LRIG2: variants seen among roughly 807,000 people sequenced by gnomAD.
The protein encoded by LRIG2 is leucine-rich repeats and immunoglobulin-like domains protein 2.
A neutral mutation model predicts 107.8 loss-of-function variants in LRIG2; 93 were observed. The ratio of observed to expected loss-of-function variants is 0.86; its 90% confidence interval spans 0.73 to 1.03. The LOEUF is 1.03. Among genes scored for constraint, LRIG2 ranks in the 50% least tolerant of loss-of-function variants. The pLI is 0.00. For synonymous variants in LRIG2, 471 were observed against 470.6 expected (o/e 1.00, Z -0.01); for missense variants, 1,226 against 1,296.0 (o/e 0.95, Z 0.83).
At chr1:113,074,916 GA>G (rs1297073607) in intron 1 of LRIG2, among the ~76,000 whole-genome samples, 2 of 132,210 alleles carry the variant, frequency 1.5e-5, no homozygotes, top group East Asian at 2.4e-4. Context: ...TGGGGGGAGG[GA>G]GGGTCGGGGA....
At position 113,123,892 on chromosome 1, in the gene LRIG2, G is replaced by A. The variant is rs374982078; in HGVS notation, c.2989G>A (p.Val997Met). 49 of 1,613,924 alleles carry A rather than the reference G, an allele frequency of 3.0e-5. No homozygotes were observed. Among genetic ancestry groups the A allele is most frequent in the Admixed American group, 6.7e-5 (4 of 59,984 alleles). ...ATTCTCAGAAACATTGCAGCGGCCC[G>A]TGTGGAACATAAACAGAGAACTAGG... Reference protein sequence around the residue: ...QMSGETLQRPVWNINRELGLP... With the variant: ...QMSGETLQRPMWNINRELGLP... Residue 997 changes from valine (V) to methionine (M), a missense_variant, in exon 18 of 18, where the codon GTG becomes ATG. Physicochemically the swap from Val to Met is conservative, Grantham distance 21 (BLOSUM62 1). Transcript: ENST00000361127.
rs1655639553 is a variant in LRIG2, at chr1:113,129,837, T to C, written c.*5736T>C. 1 of 137,662 alleles carries C rather than the reference T, an allele frequency of 7.3e-6. No homozygotes were observed. Among genetic ancestry groups the C allele is most frequent in the Non-Finnish European group, 1.6e-5 (1 of 61,946 alleles). 8.5% of individuals were successfully genotyped at this position (137,662 alleles called of 1,614,324 possible). ...AAAAGACAGTATTCCTTGAACTCCA[T>C]GACCTACTGGTACAGGATCTACACT... On this transcript the variant is annotated 3_prime_UTR_variant, in exon 18 of 18. Transcript: ENST00000361127.
intron 1 of LRIG2, among the ~76,000 whole-genome samples, chr1:113,077,799 A>G (rs1653054476): frequency 1.3e-5 from 2 of 151,826 alleles, no homozygotes. Context: ...GGTTTGTTAC[A>G]TATGTATACA....
intron 14 of LRIG2, among the ~76,000 whole-genome samples, chr1:113,113,425 A>G (rs1654857676): frequency 2.0e-5 from 3 of 150,322 alleles, no homozygotes; most frequent in Non-Finnish European, 4.4e-5. Flanking sequence ...GGTAAATTCT[A>G]CTTTCCAGTT....
rs141127480 is a variant in LRIG2 at position 113,131,017 on chromosome 1, G to C, written c.*6916G>C. ...ACGGTCTCAGCTCACTGCAATCTCC[G>C]CCTCCCAGGTTCAAGCGATTCTCCT... On this transcript the variant is annotated 3_prime_UTR_variant, in exon 18 of 18. Transcript: ENST00000361127. The C allele has an allele frequency of 2.0e-5, 3 of 152,066 alleles. No homozygotes were observed. The highest frequency in any genetic ancestry group is 2.9e-5 in the Non-Finnish European group (2 of 68,074). 9.4% of individuals were successfully genotyped at this position (152,066 alleles called of 1,614,324 possible).
rs759401263 is a variant in LRIG2 at position 113,094,695 on chromosome 1, G to A, written c.743G>A (p.Arg248Gln). 44 of 1,613,812 alleles carry A rather than the reference G, an allele frequency of 2.7e-5. No individual in the cohort carries two copies. The highest frequency in any genetic ancestry group is 1.3e-4 in the East Asian group (6 of 44,846). ...LDSLRSLKMQRNGISKLKDGA... is the reference protein window; with the variant it reads ...LDSLRSLKMQQNGISKLKDGA... ...TCCTTAAGATCTTTGAAAATGCAGC[G>A]GAATGGAATTAGCAAACTTAAGGAT... Residue 248 changes from arginine to glutamine, a missense_variant, in exon 6 of 18, where the codon CGG becomes CAG. Physicochemically the swap from Arg to Gln is conservative, Grantham distance 43. Around this residue, in one of 3 missense-constraint regions of LRIG2, gnomAD observed 570 missense variants for 550.2 expected, o/e 1.04. Coordinates refer to ENST00000361127, the MANE Select transcript of LRIG2 (RefSeq NM_014813.3).
chr1:113,075,885 T>G (rs1476369393), intron 1 of LRIG2, among the ~76,000 whole-genome samples: 1 of 151,398 alleles, frequency 6.6e-6, no homozygotes, highest in Non-Finnish European at 1.5e-5. Context: ...TTAGTAGAGG[T>G]GGGGTTTCAC....
At chr1:113,107,812 A>C in intron 12 of LRIG2, 55 bp downstream of exon 12, 1 of 1,437,512 alleles carries the variant, frequency 7.0e-7, no homozygotes, top group South Asian at 1.3e-5. Context: ...TCTTAACAGA[A>C]TTAAAAAAAT....
At chr1:113,092,587 C>T (rs2101033366) in intron 2 of LRIG2, among the ~76,000 whole-genome samples, 1 of 152,132 alleles carries the variant, frequency 6.6e-6, no homozygotes, top group Admixed American at 6.5e-5. Flanking sequence ...AAATTAGCTG[C>T]CATAAACCCA....
intron 13 of LRIG2, among the ~76,000 whole-genome samples, 181 bp downstream of exon 13, chr1:113,110,743 T>C (rs984070909): frequency 6.6e-6 from 1 of 152,158 alleles, no homozygotes; most frequent in Non-Finnish European, 1.5e-5. Flanking sequence ...TCTGCCCACT[T>C]ATGGTCTCTA....
At chr1:113,089,676 CTTTTTTTT>C (rs35515644) in intron 1 of LRIG2, among the ~76,000 whole-genome samples, 2 of 71,674 alleles carry the variant, frequency 2.8e-5, no homozygotes, top group African/African-American at 4.9e-5. Context: ...AGGTGGATTG[CTTTTTTTT>C]TTTTTTTTTT....
chr1:113,091,675 A>G (rs1653832163), intron 2 of LRIG2, among the ~76,000 whole-genome samples: 2 of 152,192 alleles, frequency 1.3e-5, no homozygotes, highest in African/African-American at 4.8e-5. Flanking sequence ...ATTTTGGCCA[A>G]GTTTTCAGCC....
At position 113,098,743 on chromosome 1, in the gene LRIG2, A is replaced by T; in HGVS notation, c.1130A>T (p.Asp377Val). ...RNNEISWAIE[D>V]ASEAFAGLTS... ...AATGAAATTTCATGGGCCATAGAAGATGCTAGTGAAGCCTTTGCTGGACTC... is the reference window on the plus strand; with the variant it reads ...AATGAAATTTCATGGGCCATAGAAGTTGCTAGTGAAGCCTTTGCTGGACTC... Residue 377 changes from aspartate (D) to valine (V), a missense_variant, in exon 9 of 18, where the codon GAT (aspartate) becomes GTT (valine). Physicochemically the swap from Asp to Val is radical, Grantham distance 152. Coordinates refer to ENST00000361127, the MANE Select transcript of LRIG2 (RefSeq NM_014813.3). 1 of 1,613,182 alleles carries T rather than the reference A, an allele frequency of 6.2e-7. No homozygotes were observed. The highest frequency in any genetic ancestry group is 1.3e-5 in the African/African-American group (1 of 75,014).
chr1:113,081,102 A>G (rs1216768), intron 1 of LRIG2, among the ~76,000 whole-genome samples: 54,715 of 151,808 alleles, frequency 0.36, 10,245 homozygotes, highest in East Asian at 0.64. Context: ...TGGCCTCCCA[A>G]AGTGCTGGGA....
chr1:113,095,275 A>G (rs1654006687), intron 6 of LRIG2, among the ~76,000 whole-genome samples: 1 of 150,366 alleles, frequency 6.7e-6, no homozygotes, highest in Non-Finnish European at 1.5e-5. Flanking sequence ...CCGGCCAAAA[A>G]GTTTATATTC....
At chr1:113,121,982 TATTA>T (rs1180662606) in intron 17 of LRIG2, among the ~76,000 whole-genome samples, 1 of 151,972 alleles carries the variant, frequency 6.6e-6, no homozygotes, top group African/African-American at 2.4e-5. Context: ...GGCAGAGACT[TATTA>T]ATTAATTTTG....
At position 113,126,373 on chromosome 1, in the gene LRIG2, G is replaced by T; in HGVS notation, c.*2272G>T. 1 of 172,794 alleles carries T rather than the reference G, an allele frequency of 5.8e-6. No homozygotes were observed. Among genetic ancestry groups the T allele is most frequent in the South Asian group, 1.5e-4 (1 of 6,460 alleles). 10.7% of individuals were successfully genotyped at this position (172,794 alleles called of 1,614,324 possible). ...GGGCTCCTGCTTCTCAGTCTTCTCT[G>T]ACCTCTGGTAAGTGGAACTTTCATT... On this transcript the variant is annotated 3_prime_UTR_variant, in exon 18 of 18. Coordinates refer to ENST00000361127, the MANE Select transcript of LRIG2 (RefSeq NM_014813.3).
At position 113,080,803 on chromosome 1, in the gene LRIG2, CAA is replaced by C. The variant is rs1382807018; in HGVS notation, c.239+7160_239+7161del. Among the ~76,000 whole-genome samples, 5 of 139,732 alleles carry C rather than the reference CAA, an allele frequency of 3.6e-5. No individual in the cohort carries two copies. The East Asian group carries it at 6.3e-4, about 18-fold the overall frequency. 91.7% of individuals were successfully genotyped at this position (139,732 alleles called of 152,430 possible). A position where few individuals can be genotyped will look rare whatever the true frequency, so the allele number is the denominator to read the frequency against. ...ATTATTTCAAAATCATCTTTTTAAA[CAA>C]AGAAAAATTCTAAATATGGGAACAC... On this transcript the variant is annotated intron_variant, in intron 1 of 17. Transcript: ENST00000361127.
intron 2 of LRIG2, among the ~76,000 whole-genome samples, chr1:113,091,780 A>G (rs566860869): frequency 6.6e-6 from 1 of 152,348 alleles, no homozygotes; most frequent in African/African-American, 2.4e-5. Flanking sequence ...GAAATAGAGT[A>G]TTCTTGATAT....
Sources: allele counts gnomAD v4.1 joint callset (sites outside exome capture counted in the v4.1 genomes callset), GRCh38; gene constraint gnomAD v4.1.1; regional missense constraint gnomAD v4.1.1; transcripts MANE v1.5; gene names NCBI Gene and HGNC (gene_info 2026-07-23, HGNC 2026-07-21).